Variants in SGCD observed in about 807,000 individuals in gnomAD.
The protein encoded by SGCD is delta-sarcoglycan.
In SGCD, 18 loss-of-function variants were observed where a neutral mutation model predicts 36.6. The ratio of observed to expected loss-of-function variants is 0.49; its 90% CI spans 0.34 to 0.73. SGCD has a LOEUF of 0.73. Ranked by LOEUF, SGCD falls within the 30% of genes least tolerant of loss-of-function variation. The probability of loss-of-function intolerance (pLI) is 0.01; values close to 1 mark genes in which losing one functional copy is unlikely to be tolerated. For missense variants in SGCD, 387 were observed against 346.7 expected, an observed-to-expected ratio of 1.12 and a Z score of -0.92; for synonymous variants, 133 against 130.6, an observed-to-expected ratio of 1.02 and a Z score of -0.12.
In SGCD at chr5:155,975,162, T is replaced by C. The variant is rs547403257; in HGVS notation, c.-282+104738T>C. Among the ~76,000 whole-genome samples, 9 of 152,352 alleles carry C rather than the reference T, an allele frequency of 5.9e-5. No homozygotes were observed. The East Asian group carries it at 1.7e-3, about 29-fold the overall frequency. On this transcript the variant is annotated intron_variant, in intron 1 of 9. Transcript: ENST00000517913. ...TGTGGATATTTCAACAATATCTTTC[T>C]GCCCTCATCAATATCAGTGTCATCA...
chr5:156,161,363 C>G (rs981484649), intron 3 of SGCD, among the ~76,000 whole-genome samples: 1 of 151,714 alleles, frequency 6.6e-6, no homozygotes, highest in Admixed American at 6.6e-5. Context: ...AGGTTAGTTC[C>G]TCAAATTTCA....
At chr5:156,607,505 C>T (rs1384562366) in intron 6 of SGCD, among the ~76,000 whole-genome samples, 1 of 152,106 alleles carries the variant, frequency 6.6e-6, no homozygotes, top group Non-Finnish European at 1.5e-5. Flanking sequence ...GTCTAAAATT[C>T]TCTTTTTTGG....
At chr5:155,733,174 C>T in the SGCD span, among the ~76,000 whole-genome samples, 1 of 152,192 alleles carries the variant, frequency 6.6e-6, no homozygotes, top group African/African-American at 2.4e-5. Flanking sequence ...GTGTCAAGTT[C>T]AGTGTCCCAA....
intron 7 of SGCD, among the ~76,000 whole-genome samples, chr5:156,693,009 C>A (rs1754177201): frequency 6.6e-6 from 1 of 152,164 alleles, no homozygotes; most frequent in African/African-American, 2.4e-5. Flanking sequence ...ACACTGCTAT[C>A]ACAAGACAAA....
chr5:156,603,784 T>C (rs1761297689), intron 6 of SGCD, among the ~76,000 whole-genome samples: 1 of 152,104 alleles, frequency 6.6e-6, no homozygotes, highest in Non-Finnish European at 1.5e-5. Context: ...ATCTTTATCT[T>C]CTTTGTTAAG....
At chr5:156,224,835 C>A (rs1344326555) in intron 3 of SGCD, among the ~76,000 whole-genome samples, 1 of 152,042 alleles carries the variant, frequency 6.6e-6, no homozygotes, top group Non-Finnish European at 1.5e-5. Context: ...TAGTCTATAG[C>A]CTTTCTTTCA....
intron 3 of SGCD, among the ~76,000 whole-genome samples, chr5:156,348,815 C>A (rs1397650301): frequency 6.6e-6 from 1 of 152,020 alleles, no homozygotes; most frequent in Non-Finnish European, 1.5e-5. Context: ...GCAAAAAGAT[C>A]AAATCTGAAG....
rs74542650 is a variant in SGCD at position 156,349,112 on chromosome 5, A to C, written c.192+4435A>C. 6.1e-3 allele frequency among the ~76,000 whole-genome samples: 924 copies of C among 152,224 alleles called. 17 individuals are homozygous for C. The highest frequency in any genetic ancestry group is 0.021 in the African/African-American group (875 of 41,562). ...AAAAAGTTAACTCAAGATGGATGAA[A>C]GACTTAAAGACCTGAAAACTTCTAG... On this transcript the variant is annotated intron_variant, in intron 3 of 8. Transcript: ENST00000337851.
intron 1 of SGCD, among the ~76,000 whole-genome samples, chr5:156,006,105 C>G (rs138319435): frequency 1.3e-5 from 2 of 152,136 alleles, no homozygotes; most frequent in Non-Finnish European, 2.9e-5. Context: ...AGCCCTACCT[C>G]TAGTACGGAG....
chr5:155,751,036 G>A, the SGCD span, among the ~76,000 whole-genome samples: 3 of 152,224 alleles, frequency 2.0e-5, no homozygotes, highest in African/African-American at 4.8e-5. Flanking sequence ...AGGATTGACC[G>A]TTTTTGTTTT....
chr5:156,228,619 A>C (rs1764917003), intron 3 of SGCD, among the ~76,000 whole-genome samples: 1 of 152,192 alleles, frequency 6.6e-6, no homozygotes, highest in South Asian at 2.1e-4. Context: ...TAAGTAGAAT[A>C]TTTAGGCCAT....
intron 7 of SGCD, among the ~76,000 whole-genome samples, chr5:156,650,100 C>T (rs1281084855): frequency 6.6e-6 from 1 of 152,060 alleles, no homozygotes; most frequent in African/African-American, 2.4e-5. Flanking sequence ...GCCTGAAGAA[C>T]ATGGAGCAGA....
At chr5:155,972,042 G>A (rs10064149) in intron 1 of SGCD, among the ~76,000 whole-genome samples, 3,507 of 152,186 alleles carry the variant, frequency 0.023, 134 homozygotes, top group African/African-American at 0.075. Context: ...ACTGCTATTG[G>A]TTAGGAATAG....
intron 3 of SGCD, among the ~76,000 whole-genome samples, chr5:156,243,424 A>G (rs1368285575): frequency 6.6e-6 from 1 of 152,256 alleles, no homozygotes; most frequent in Non-Finnish European, 1.5e-5. Context: ...AAGGGTAAGA[A>G]GAACCAGATT....
chr5:155,921,892 C>T (rs1308778660), intron 1 of SGCD, among the ~76,000 whole-genome samples: 1 of 152,154 alleles, frequency 6.6e-6, no homozygotes, highest in African/African-American at 2.4e-5. Context: ...AGTCATATCT[C>T]GGCTAGAGTA....
At chr5:156,023,048 T>C (rs1759143037) in intron 1 of SGCD, among the ~76,000 whole-genome samples, 1 of 152,192 alleles carries the variant, frequency 6.6e-6, no homozygotes, top group African/African-American at 2.4e-5. Flanking sequence ...AAAAACAGAA[T>C]TTGCATTATA....
intron 1 of SGCD, among the ~76,000 whole-genome samples, chr5:156,049,771 A>T (rs1171383763): frequency 6.8e-6 from 1 of 146,674 alleles, no homozygotes; most frequent in African/African-American, 2.5e-5. Context: ...CAACATGAGC[A>T]TGACTTGGGA....
chr5:156,492,829 T>C lies in SGCD; in HGVS notation c.193-15772T>C, dbSNP rs183609873. On this transcript the variant is annotated intron_variant, in intron 3 of 8. Transcript: ENST00000337851. Reference sequence around the variant, plus strand: ...ACATGTGGTGTTTAGTTTTCTGTTCTTGTGTTAGTTTGCTGAGAAGGATGG... The same window carrying C: ...ACATGTGGTGTTTAGTTTTCTGTTCCTGTGTTAGTTTGCTGAGAAGGATGG... Among the ~76,000 whole-genome samples the C allele has an allele frequency of 8.5e-4, 130 of 152,278 alleles. 1 individual carries two copies. In the East Asian group the frequency reaches 0.016, roughly 19 times the overall value.
At chr5:156,093,601 G>A (rs7727376) in intron 1 of SGCD, among the ~76,000 whole-genome samples, 43 of 152,318 alleles carry the variant, frequency 2.8e-4, no homozygotes, top group African/African-American at 5.8e-4. Context: ...CATCAGTAAC[G>A]TTCCAGGTGG....
Sources: gnomAD v4.1 joint callset for allele counts (sites outside exome capture counted in the v4.1 genomes callset) on GRCh38, gnomAD v4.1.1 for gene constraint, MANE v1.5 for transcripts, NCBI Gene and HGNC (gene_info 2026-07-23, HGNC 2026-07-21) for gene names.